Variants in MAK observed in about 807,000 individuals in gnomAD.
The protein encoded by MAK is serine/threonine-protein kinase MAK.
In MAK, 65 loss-of-function variants were observed where a neutral mutation model predicts 82.6. The observed-to-expected ratio is 0.79, with a 90% CI of 0.64 to 0.97. The LOEUF is 0.97. MAK is among the 50% of genes least tolerant of loss of function. The pLI, the probability that MAK is intolerant of heterozygous loss-of-function variation, is 0.00. For synonymous variants in MAK, 250 were observed against 274.2 expected, an observed-to-expected ratio of 0.91 and a Z score of 0.87; for missense variants, 703 against 780.2, an observed-to-expected ratio of 0.90 and a Z score of 1.18.
intron 11 of MAK, among the ~76,000 whole-genome samples, chr6:10,783,164 C>A (rs1470295352): frequency 6.6e-6 from 1 of 152,142 alleles, no homozygotes; most frequent in Non-Finnish European, 1.5e-5. Flanking sequence ...TCTTCTCCCT[C>A]ACTGGATTAA....
chr6:10,808,692 A>G, intron 6 of MAK, 118 bp downstream of exon 6: 2 of 1,028,830 alleles, frequency 1.9e-6, no homozygotes, highest in Non-Finnish European at 3.0e-6. Flanking sequence ...AAGAATATAA[A>G]ATTCAATTCT....
At chr6:10,779,507 T>C in intron 11 of MAK, 1 of 984,508 alleles carries the variant, frequency 1.0e-6, no homozygotes, top group Non-Finnish European at 1.2e-6. Context: ...CCTGCAATTA[T>C]ATGGTACATT....
chr6:10,815,912 GTATATATATATATATATATATATATA>G (rs3064109), intron 4 of MAK, among the ~76,000 whole-genome samples: 4 of 108,322 alleles, frequency 3.7e-5, no homozygotes, highest in African/African-American at 9.2e-5. Flanking sequence ...GCTTTATACA[GTATATATATATATATATATATATATA>G]TATATATATG....
intron 14 of MAK, among the ~76,000 whole-genome samples, chr6:10,766,148 C>CTG (rs1489132113): frequency 6.6e-6 from 1 of 152,112 alleles, no homozygotes; most frequent in African/African-American, 2.4e-5. Context: ...TGTGTAGTAG[C>CTG]TGCCATTCTT....
At chr6:10,795,973 G>A (rs575844293) in intron 9 of MAK, 25 bp downstream of exon 9, 1 of 1,606,722 alleles carries the variant, frequency 6.2e-7, no homozygotes, top group Non-Finnish European at 8.5e-7. Context: ...CTATTTCATT[G>A]CAAGTGTCAT....
chr6:10,823,528 C>T (rs1448942758), intron 2 of MAK, among the ~76,000 whole-genome samples: 1 of 151,866 alleles, frequency 6.6e-6, no homozygotes, highest in Non-Finnish European at 1.5e-5. Context: ...CAATGTAGAA[C>T]GTATTTATTT....
chr6:10,791,808 G>A lies in MAK; in HGVS notation c.1183C>T (p.Arg395Cys), dbSNP rs753974545. ...GACTTGAAGATAGTCTGACCCCAAC[G>A]CCTCCTACCACTTTTATGACTCAGT... ...GTLSHKSGRRRWGQTIFKSGD... is the reference protein window; with the variant it reads ...GTLSHKSGRRCWGQTIFKSGD... The change falls in exon 10 of 15, where the codon CGT becomes TGT. Residue 395 changes from arginine to cysteine, a missense_variant. Coordinates refer to ENST00000354489, the MANE Select transcript of MAK (RefSeq NM_001242957.3). The A allele has an allele frequency of 1.1e-5, 18 of 1,613,878 alleles. No homozygotes were observed. The highest frequency in any genetic ancestry group is 1.1e-4 in the African/African-American group (8 of 74,868).
At chr6:10,824,002 A>C (rs1489160448) in intron 2 of MAK, among the ~76,000 whole-genome samples, 5 of 152,170 alleles carry the variant, frequency 3.3e-5, no homozygotes, top group East Asian at 1.9e-4. Flanking sequence ...AACAAACAAA[A>C]AAAAAAAATG....
intron 1 of MAK, among the ~76,000 whole-genome samples, chr6:10,836,339 G>A (rs1779148410): frequency 6.6e-6 from 1 of 152,128 alleles, no homozygotes; most frequent in African/African-American, 2.4e-5. Flanking sequence ...GGCTTCTTTT[G>A]AACTACATTA....
In MAK at chr6:10,796,284, A is replaced by G. The variant is rs1340695631; in HGVS notation, c.857T>C (p.Val286Ala). ...SQALKHPYFQ[V>A]GQVLGPSSNH... is the part of the protein sequence containing the mutation. ...TGACGAAGGGCCTAATACCTGACCA[A>G]CTTGAAAATATGGGTGTTTCAATGC... The change falls in exon 9 of 15, where the codon GTT (valine) becomes GCT (alanine). Residue 286 changes from valine (V) to alanine (A), a missense_variant. Transcript: ENST00000354489. The G allele has an allele frequency of 1.2e-6, 2 of 1,613,860 alleles. No individual in the cohort carries two copies. Among genetic ancestry groups the G allele is most frequent in the Non-Finnish European group, 8.5e-7 (1 of 1,180,008 alleles).
intron 11 of MAK, among the ~76,000 whole-genome samples, chr6:10,784,156 C>T (rs1373476154): frequency 6.6e-6 from 1 of 151,650 alleles, no homozygotes; most frequent in Non-Finnish European, 1.5e-5. Flanking sequence ...TTACTGAATG[C>T]ATAGCTTTGG....
At chr6:10,802,120 A>G (rs1581710793) in intron 7 of MAK, 61 bp from the exon 8 acceptor site, 1 of 1,379,044 alleles carries the variant, frequency 7.3e-7, no homozygotes, top group East Asian at 2.3e-5. Flanking sequence ...TTAGTAATCC[A>G]TTTAAAAAAC....
In MAK at chr6:10,817,854, C is replaced by T; in HGVS notation, c.274G>A (p.Asp92Asn). The part of the protein sequence containing the change: ...MKENLYQLMK[D>N]RNKLFPESVI... ...AAAACATGAATAAAAACATACCTGT[C>T]TTTCATTAATTGATAGAGGTTTTCT... is the stretch of plus-strand genomic sequence containing the variant. The change falls in exon 4 of 15, where the codon GAC becomes AAC. Residue 92 changes from aspartate to asparagine, a missense_variant. By Grantham distance (23) the Asp-to-Asn change is conservative (BLOSUM62 1). Coordinates refer to ENST00000354489, the MANE Select transcript of MAK (RefSeq NM_001242957.3). 1.3e-6 allele frequency: 2 copies of T among 1,491,364 alleles called. No homozygotes were observed. The highest frequency in any genetic ancestry group is 9.2e-7 in the Non-Finnish European group (1 of 1,084,542). The allele number at this position is 1,491,364 out of a possible 1,614,324, so 92.4% of individuals were successfully genotyped here.
intron 5 of MAK, among the ~76,000 whole-genome samples, chr6:10,813,135 A>ATATAT (rs58128355): frequency 7.2e-4 from 1 of 1,386 alleles, no homozygotes; most frequent in South Asian, 0.12. Context: ...TATATATATA[A>ATATAT]ATTTTTTTTT....
intron 1 of MAK, among the ~76,000 whole-genome samples, chr6:10,831,551 G>C (rs995369363): frequency 1.3e-5 from 2 of 152,124 alleles, no homozygotes; most frequent in African/African-American, 4.8e-5. Context: ...AGGAGTTCAA[G>C]ACCAGCCTGG....
At chr6:10,795,271 G>A (rs1354357799) in intron 9 of MAK, among the ~76,000 whole-genome samples, 1 of 151,828 alleles carries the variant, frequency 6.6e-6, no homozygotes, top group Admixed American at 6.6e-5. Flanking sequence ...GGCCAACATG[G>A]TCTCCACTAA....
rs61650753 is a variant in MAK at position 10,799,491 on chromosome 6, C to T, written c.831+2401G>A. ...AATATGGGCCAGGTGTGGTGGCTCA[C>T]GCCTATATTATTTCAGCACTTTGGG... On this transcript the variant is annotated intron_variant, in intron 8 of 14. Coordinates refer to ENST00000354489, the MANE Select transcript of MAK (RefSeq NM_001242957.3). 2.6e-5 allele frequency among the ~76,000 whole-genome samples: 4 copies of T among 152,112 alleles called. No homozygotes were observed. The East Asian group carries it at 7.7e-4, about 29-fold the overall frequency.
In MAK at chr6:10,764,415, T is replaced by G. The variant is rs773751765; in HGVS notation, c.*37A>C. 2.5e-6 allele frequency: 4 copies of G among 1,608,100 alleles called. No individual in the cohort carries two copies. The East Asian group carries it at 8.9e-5, about 36-fold the overall frequency. On this transcript the variant is annotated 3_prime_UTR_variant, in exon 15 of 15. Coordinates refer to ENST00000354489, the MANE Select transcript of MAK (RefSeq NM_001242957.3). ...AGGGTCAAGGAACTTGCACGTACTC[T>G]ACGGAGCAATGCTGTAGGGTTTCAC...
chr6:10,825,760 C>CA (rs939703542), intron 2 of MAK, among the ~76,000 whole-genome samples: 4 of 152,098 alleles, frequency 2.6e-5, no homozygotes, highest in African/African-American at 9.7e-5. Flanking sequence ...CCCTCATGCC[C>CA]AGTCACCAGT....
Sources: allele counts gnomAD v4.1 joint callset (sites outside exome capture counted in the v4.1 genomes callset), GRCh38; gene constraint gnomAD v4.1.1; transcripts MANE v1.5; gene names NCBI Gene and HGNC (gene_info 2026-07-23, HGNC 2026-07-21).